NKAIN2: variants seen among roughly 807,000 people sequenced by gnomAD.
NKAIN2 encodes the protein sodium/potassium-transporting ATPase subunit beta-1-interacting protein 2.
In NKAIN2, 14 loss-of-function variants were observed where a neutral mutation model predicts 32.6. The ratio of observed to expected loss-of-function variants is 0.43; its 90% CI spans 0.28 to 0.67. NKAIN2 has a LOEUF of 0.67. Ranked by LOEUF, NKAIN2 falls within the 30% of genes least tolerant of loss-of-function variation. NKAIN2 has a pLI of 0.17. For missense variants in NKAIN2, 198 were observed against 258.3 expected (o/e 0.77, Z 1.60); for synonymous variants, 80 against 87.2 (o/e 0.92, Z 0.46).
intron 5 of NKAIN2, among the ~76,000 whole-genome samples, chr6:124,809,928 A>T (rs1337416181): frequency 9.2e-5 from 14 of 152,304 alleles, no homozygotes; most frequent in East Asian, 5.8e-4. Context: ...TCAAAACCAC[A>T]ATGAGATATC....
At chr6:124,316,822 A>G (rs1562487084) in intron 2 of NKAIN2, among the ~76,000 whole-genome samples, 1 of 152,148 alleles carries the variant, frequency 6.6e-6, no homozygotes, top group South Asian at 2.1e-4. Context: ...GGAAAGCATC[A>G]TTATATATTT....
chr6:124,155,751 A>T (rs1787953225), intron 1 of NKAIN2, among the ~76,000 whole-genome samples: 1 of 152,148 alleles, frequency 6.6e-6, no homozygotes, highest in African/African-American at 2.4e-5. Flanking sequence ...CTGACACATG[A>T]TGGTAATAGA....
At chr6:124,196,074 C>A (rs1217913669) in intron 1 of NKAIN2, among the ~76,000 whole-genome samples, 1 of 152,094 alleles carries the variant, frequency 6.6e-6, no homozygotes, top group Non-Finnish European at 1.5e-5. Flanking sequence ...AAAGCTATTT[C>A]TTTCCAACAA....
chr6:124,033,556 A>C (rs773865187), intron 1 of NKAIN2, among the ~76,000 whole-genome samples: 1 of 152,064 alleles, frequency 6.6e-6, no homozygotes, highest in African/African-American at 2.4e-5. Context: ...TTTTTGACAA[A>C]AGTTAAATCA....
intron 3 of NKAIN2, among the ~76,000 whole-genome samples, chr6:124,521,163 A>G (rs1322136015): frequency 2.6e-5 from 4 of 152,130 alleles, no homozygotes; most frequent in East Asian, 1.9e-4. Context: ...ACCTAGTACA[A>G]TGTCAAGCAG....
intron 3 of NKAIN2, among the ~76,000 whole-genome samples, chr6:124,565,367 C>A (rs929470047): frequency 2.0e-5 from 3 of 152,120 alleles, no homozygotes; most frequent in African/African-American, 7.2e-5. Flanking sequence ...CATTTGCTCA[C>A]CTTAATATAA....
At chr6:124,556,241 G>T (rs1780471241) in intron 3 of NKAIN2, among the ~76,000 whole-genome samples, 1 of 151,856 alleles carries the variant, frequency 6.6e-6, no homozygotes. Flanking sequence ...TCTTTCTTTG[G>T]AAGATGTATT....
At chr6:124,553,462 C>T (rs1780365346) in intron 3 of NKAIN2, among the ~76,000 whole-genome samples, 2 of 152,096 alleles carry the variant, frequency 1.3e-5, no homozygotes, top group Admixed American at 1.3e-4. Context: ...CAGGCGCCAC[C>T]ACAGCCATGT....
At chr6:124,474,961 T>TAA (rs765903779) in intron 3 of NKAIN2, among the ~76,000 whole-genome samples, 4 of 148,108 alleles carry the variant, frequency 2.7e-5, no homozygotes, top group South Asian at 4.2e-4. Flanking sequence ...CATATATATA[T>TAA]AACGTATAGA....
At chr6:124,386,180 G>C (rs1162500071) in intron 3 of NKAIN2, among the ~76,000 whole-genome samples, 1 of 152,142 alleles carries the variant, frequency 6.6e-6, no homozygotes, top group East Asian at 1.9e-4. Context: ...AATTGGCCTT[G>C]TTTGATGAAA....
chr6:124,377,790 G>T (rs987672298), intron 3 of NKAIN2, among the ~76,000 whole-genome samples: 24 of 152,280 alleles, frequency 1.6e-4, no homozygotes, highest in Middle Eastern at 3.4e-3. Context: ...AATATAACTA[G>T]AGTGACCCTC....
chr6:124,597,532 T>C (rs1253792908), intron 3 of NKAIN2, among the ~76,000 whole-genome samples: 2 of 152,144 alleles, frequency 1.3e-5, no homozygotes, highest in Non-Finnish European at 2.9e-5. Flanking sequence ...ATTGATTTCA[T>C]TCTTTTGACA....
rs373943532 is a variant in NKAIN2, at chr6:124,360,143, A to G, written c.273+4796A>G. 4.6e-5 allele frequency among the ~76,000 whole-genome samples: 7 copies of G among 152,272 alleles called. No individual in the cohort carries two copies. The East Asian group carries it at 1.2e-3, about 25-fold the overall frequency. ...GAAGCCCACTTGATCATGGTGGATA[A>G]GCTTTTTGATGTGCTGCTGGATTCA... On this transcript the variant is annotated intron_variant, in intron 3 of 6. Coordinates refer to ENST00000368417, the MANE Select transcript of NKAIN2 (RefSeq NM_001040214.3).
At chr6:124,664,252 G>T (rs1440723087) in intron 4 of NKAIN2, among the ~76,000 whole-genome samples, 1 of 151,184 alleles carries the variant, frequency 6.6e-6, no homozygotes, top group African/African-American at 2.4e-5. Flanking sequence ...TCCAGCCTGG[G>T]CGAGACAGCA....
Position 124,550,506 on chromosome 6 carries a change from C to A in NKAIN2, c.274-107680C>A, listed in dbSNP as rs565407627. Among the ~76,000 whole-genome samples the A allele has an allele frequency of 2.6e-5, 4 of 152,226 alleles. No homozygotes were observed. The South Asian group carries it at 8.3e-4, about 32-fold the overall frequency. On this transcript the variant is annotated intron_variant, in intron 3 of 6. Coordinates refer to ENST00000368417, the MANE Select transcript of NKAIN2 (RefSeq NM_001040214.3). The stretch of plus-strand genomic sequence containing the variant: ...ACAGTTCTCCAAAGGGCCCTGGTTA[C>A]TTTTATTGGAAAATGGTATTTAGAA...
rs554602643 is a variant in NKAIN2, at chr6:124,102,273, G to A, written c.55-180732G>A. ...CATCAGCTTCCTTGATCTGATGGCC[G>A]TAAAAATGCCTGGGCCTAAACTAGG... On this transcript the variant is annotated intron_variant, in intron 1 of 6. Transcript: ENST00000368417. Among the ~76,000 whole-genome samples, 171 of 152,262 alleles carry A rather than the reference G, an allele frequency of 1.1e-3. 1 individual carries two copies. In the South Asian group the frequency reaches 0.012, roughly 11 times the overall value.
chr6:124,097,356 T>G (rs1224509221), intron 1 of NKAIN2, among the ~76,000 whole-genome samples: 1 of 145,760 alleles, frequency 6.9e-6, no homozygotes, highest in Admixed American at 7.0e-5. Flanking sequence ...TGAGCCGACA[T>G]CGCGCCACTG....
chr6:124,241,918 C>A (rs1793121381), intron 1 of NKAIN2, among the ~76,000 whole-genome samples: 1 of 152,064 alleles, frequency 6.6e-6, no homozygotes, highest in Non-Finnish European at 1.5e-5. Context: ...GGATTAAAGA[C>A]CTGAACATAA....
intron 3 of NKAIN2, among the ~76,000 whole-genome samples, chr6:124,369,420 G>T (rs1026666272): frequency 6.6e-6 from 1 of 152,044 alleles, no homozygotes; most frequent in South Asian, 2.1e-4. Context: ...CCTATTAAGT[G>T]GCCCCTTAGG....
Sources: allele counts gnomAD v4.1 joint callset (sites outside exome capture counted in the v4.1 genomes callset), GRCh38; gene constraint gnomAD v4.1.1; transcripts MANE v1.5; gene names NCBI Gene and HGNC (gene_info 2026-07-23, HGNC 2026-07-21).